XPOT: variants seen among roughly 807,000 people sequenced by gnomAD.
XPOT encodes exportin-T.
XPOT carries 34 observed loss-of-function variants against 128.2 expected under a neutral mutation model. That is an observed-to-expected ratio of 0.27 (90% CI 0.20 to 0.35). XPOT has a LOEUF of 0.35. Among genes scored for constraint, XPOT ranks in the 10% least tolerant of loss-of-function variants. The pLI, the probability that XPOT is intolerant of heterozygous loss-of-function variation, is 1.00. For synonymous variants in XPOT, 348 were observed against 394.3 expected (o/e 0.88, Z 1.39); for missense variants, 838 against 1,125.3 (o/e 0.74, Z 3.65).
At chr12:64,426,506 T>G (rs1469173165) in intron 15 of XPOT, among the ~76,000 whole-genome samples, 3 of 152,000 alleles carry the variant, frequency 2.0e-5, no homozygotes. Flanking sequence ...CACACAGATA[T>G]GAAGCTGGGA....
At chr12:64,419,267 G>T (rs1337074111) in intron 6 of XPOT, among the ~76,000 whole-genome samples, 173 bp downstream of exon 6, 2 of 151,966 alleles carry the variant, frequency 1.3e-5, no homozygotes, top group African/African-American at 4.8e-5. Flanking sequence ...CTCAAACTTG[G>T]TTATTTTTTT....
At chr12:64,428,851 TA>T (rs1328884072) in intron 16 of XPOT, among the ~76,000 whole-genome samples, 2 of 152,188 alleles carry the variant, frequency 1.3e-5, no homozygotes, top group East Asian at 3.8e-4. Flanking sequence ...TAAACAGTTA[TA>T]AAAATGACAG....
chr12:64,416,794 A>T (rs1409624716), intron 4 of XPOT, 40 bp downstream of exon 4: 1 of 1,531,448 alleles, frequency 6.5e-7, no homozygotes, highest in Non-Finnish European at 8.9e-7. Context: ...ATTTGCGGGG[A>T]GAGGTCATTT....
At chr12:64,429,461 G>C (rs1031599479) in intron 16 of XPOT, among the ~76,000 whole-genome samples, 1 of 93,936 alleles carries the variant, frequency 1.1e-5, no homozygotes, top group African/African-American at 3.9e-5. Context: ...TTTTTTTTTT[G>C]AGACAGAGTC....
At chr12:64,409,461 T>C (rs574772940) in intron 1 of XPOT, among the ~76,000 whole-genome samples, 5 of 152,092 alleles carry the variant, frequency 3.3e-5, no homozygotes, top group Admixed American at 2.0e-4. Context: ...AGGGGCCAGG[T>C]GGGGTGGCTC....
chr12:64,406,128 T>G (rs1457621066), intron 1 of XPOT, among the ~76,000 whole-genome samples: 1 of 152,098 alleles, frequency 6.6e-6, no homozygotes, highest in Non-Finnish European at 1.5e-5. Flanking sequence ...CAGGCGGGAG[T>G]GCAATGACAC....
rs1260752557 is a variant in XPOT, at chr12:64,448,135, C to G, written c.*4C>G. On this transcript the variant is annotated 3_prime_UTR_variant, in exon 25 of 25. Transcript: ENST00000332707. ...CTTCCAGAGAGCAAAGCCCTGAGGA[C>G]TGGATTTCCCTGTGCCTACTTCATG... 43 of 1,613,660 alleles carry G rather than the reference C, an allele frequency of 2.7e-5. No individual in the cohort carries two copies. Among genetic ancestry groups the G allele is most frequent in the Non-Finnish European group, 3.6e-5 (42 of 1,179,764 alleles).
intron 21 of XPOT, among the ~76,000 whole-genome samples, chr12:64,435,169 A>C (rs867398199): frequency 1.3e-5 from 2 of 152,214 alleles, no homozygotes; most frequent in Admixed American, 6.5e-5. Context: ...ATGAAAGGGC[A>C]TATGTCACAA....
intron 23 of XPOT, among the ~76,000 whole-genome samples, chr12:64,442,079 T>TG (rs36032349): frequency 0.033 from 4,913 of 150,900 alleles, 118 homozygotes; most frequent in African/African-American, 0.062. Context: ...ATGTGTAAAG[T>TG]GGGGGGGGGA....
chr12:64,448,859 T>C lies in XPOT; in HGVS notation c.*728T>C, dbSNP rs1033508703. 3.3e-5 allele frequency: 5 copies of C among 152,194 alleles called. No homozygotes were observed. The highest frequency in any genetic ancestry group is 1.2e-4 in the African/African-American group (5 of 41,450). The allele number at this position is 152,194 out of a possible 1,614,324, so 9.4% of individuals were successfully genotyped here. A position where few individuals can be genotyped will look rare whatever the true frequency, so the allele number is the denominator to read the frequency against. On this transcript the variant is annotated 3_prime_UTR_variant, in exon 25 of 25. Transcript: ENST00000332707. Reference sequence around the variant, plus strand: ...CTTAGTTCTGTTATATGAGAGTCTTTTTCTTTAATGTACTGGAAAAAGCCT... The same window carrying C: ...CTTAGTTCTGTTATATGAGAGTCTTCTTCTTTAATGTACTGGAAAAAGCCT...
At chr12:64,420,315 AC>A (rs1447239808) in intron 7 of XPOT, 37 bp from the exon 8 acceptor site, 1 of 1,601,598 alleles carries the variant, frequency 6.2e-7, no homozygotes, top group African/African-American at 1.3e-5. Context: ...AAAACTCATG[AC>A]TTTGAAAATG....
rs1592335213 is a variant in XPOT, at chr12:64,430,417, CA to C, written c.1976+133del. 8 of 775,804 alleles carry C rather than the reference CA, an allele frequency of 1.0e-5. No homozygotes were observed. The East Asian group carries it at 2.2e-4, about 21-fold the overall frequency. The allele number at this position is 775,804 out of a possible 1,614,324, so 48.1% of individuals were successfully genotyped here. ...GAGAATTGTCTAAATCTTTGTCCTC[CA>C]AATCCAGTCAGTTAGATTTGGTTGA... On this transcript the variant is annotated intron_variant, in intron 17 of 24. Coordinates refer to ENST00000332707, the MANE Select transcript of XPOT (RefSeq NM_007235.6).
At chr12:64,430,016 T>A in intron 16 of XPOT, 33 bp from the exon 17 acceptor site, 1 of 1,515,626 alleles carries the variant, frequency 6.6e-7, no homozygotes, top group East Asian at 2.3e-5. Context: ...ACTCAAAAAA[T>A]AAAAGCTTTA....
chr12:64,419,076 T>C lies in XPOT; in HGVS notation c.471T>C (p.Asp157=). Residue 157 remains aspartate (D), a synonymous_variant, in exon 6 of 25, where the codon GAT becomes GAC. Transcript: ENST00000332707. ...MAIDSELVDR[D]VVHTSEEARR... ...TTGATTCAGAGTTGGTGGATCGTGA[T>C]GTGGTGCATACATCAGAGGCAAGTA... is the stretch of plus-strand genomic sequence containing the variant. 6.2e-7 allele frequency: 1 copy of C among 1,614,122 alleles called. No individual in the cohort carries two copies.
chr12:64,444,250 A>G (rs2040350289), intron 23 of XPOT, among the ~76,000 whole-genome samples: 1 of 152,192 alleles, frequency 6.6e-6, no homozygotes, highest in African/African-American at 2.4e-5. Context: ...CACTCCTCTC[A>G]GGCATGAATC....
chr12:64,417,643 A>C (rs145187274), intron 4 of XPOT, among the ~76,000 whole-genome samples: 2 of 152,228 alleles, frequency 1.3e-5, no homozygotes, highest in African/African-American at 4.8e-5. Context: ...CTACATGACA[A>C]TTCTCTCTTA....
At chr12:64,432,307 G>A (rs528390000) in intron 18 of XPOT, among the ~76,000 whole-genome samples, 107 of 151,512 alleles carry the variant, frequency 7.1e-4, no homozygotes, top group Admixed American at 1.4e-3. Context: ...GTGCAGTGGC[G>A]CGGTCACAAC....
At chr12:64,424,875 T>G in intron 12 of XPOT, 152 bp downstream of exon 12, 1 of 1,342,038 alleles carries the variant, frequency 7.5e-7, no homozygotes, top group Non-Finnish European at 1.0e-6. Flanking sequence ...CTTCTTGATT[T>G]ATCTTGATCC....
Position 64,425,829 on chromosome 12 carries a change from T to A in XPOT, c.1587T>A (p.Asp529Glu). ...HIPCVLMAFL[D>E]HRGLRHSSAK... ...TCCTTCTTTAGATGGCTTTCTTAGA[T>A]CACAGAGGTCTGCGGCATTCCAGTG... Residue 529 changes from aspartate (D) to glutamate (E), a missense_variant, in exon 15 of 25, where the codon GAT becomes GAA. Around this residue, in one of 3 missense-constraint regions of XPOT, gnomAD observed 761 missense variants for 988.3 expected, o/e 0.77. Coordinates refer to ENST00000332707, the MANE Select transcript of XPOT (RefSeq NM_007235.6). 6.2e-7 allele frequency: 1 copy of A among 1,614,064 alleles called. No individual in the cohort carries two copies. Among genetic ancestry groups the A allele is most frequent in the South Asian group, 1.1e-5 (1 of 91,070 alleles).
Sources: gnomAD v4.1 joint callset for allele counts (sites outside exome capture counted in the v4.1 genomes callset) on GRCh38, gnomAD v4.1.1 for gene constraint, gnomAD v4.1.1 regional missense constraint, MANE v1.5 for transcripts, NCBI Gene and HGNC (gene_info 2026-07-23, HGNC 2026-07-21) for gene names.